The following CCDC90B variants were observed in gnomAD, a reference collection of about 807,000 sequenced individuals.
CCDC90B encodes the protein coiled-coil domain containing 90B.
In CCDC90B, 24 loss-of-function variants were observed where a neutral mutation model predicts 37.0. The observed-to-expected ratio is 0.65, with a 90% confidence interval of 0.47 to 0.91. CCDC90B has a LOEUF of 0.91. CCDC90B is among the 40% of genes least tolerant of loss of function. CCDC90B has a pLI of 0.00. For synonymous variants in CCDC90B, 113 were observed against 101.1 expected (o/e 1.12, Z -0.71); for missense variants, 319 against 299.0 (o/e 1.07, Z -0.49).
At chr11:83,283,323 G>C (rs1865501127) in intron 1 of CCDC90B, among the ~76,000 whole-genome samples, 1 of 152,210 alleles carries the variant, frequency 6.6e-6, no homozygotes, top group Non-Finnish European at 1.5e-5. Flanking sequence ...TTAAATCTGA[G>C]AGAAGTTATC....
At position 83,260,056 on chromosome 11, in the gene CCDC90B, G is replaced by C. The variant is rs910648431; in HGVS notation, c.*1855C>G. The C allele has an allele frequency of 1.3e-5, 2 of 152,242 alleles. No individual in the cohort carries two copies. Among genetic ancestry groups the C allele is most frequent in the Non-Finnish European group, 2.9e-5 (2 of 68,084 alleles). The allele number at this position is 152,242 out of a possible 1,614,324, so 9.4% of individuals were successfully genotyped here. ...TAATTGCACCTTGTTTCTCCTTCCA[G>C]ATTTACAATTGGGCAAGTCACTTTA... On this transcript the variant is annotated 3_prime_UTR_variant, in exon 9 of 9. Transcript: ENST00000529689.
At chr11:83,276,890 TTTA>T (rs2135646560) in intron 3 of CCDC90B, among the ~76,000 whole-genome samples, 1 of 152,322 alleles carries the variant, frequency 6.6e-6, no homozygotes, top group South Asian at 2.1e-4. Flanking sequence ...ACTTTATTAT[TTTA>T]TTTTTTCCCC....
At chr11:83,276,182 G>A (rs1485914298) in intron 3 of CCDC90B, among the ~76,000 whole-genome samples, 1 of 152,122 alleles carries the variant, frequency 6.6e-6, no homozygotes, top group East Asian at 1.9e-4. Context: ...TAATTCAGAA[G>A]TCACACAGAT....
chr11:83,285,700 G>A, intron 1 of CCDC90B, 173 bp downstream of exon 1: 1 of 1,432,786 alleles, frequency 7.0e-7, no homozygotes, highest in Non-Finnish European at 9.1e-7. Flanking sequence ...CTCGCCCCTT[G>A]GGGCGAGCTG....
In CCDC90B at chr11:83,265,814, GAACT is replaced by G. The variant is rs748311847; in HGVS notation, c.709+47_709+50del. The G allele has an allele frequency of 5.6e-5, 65 of 1,155,318 alleles. 1 individual carries two copies. Among genetic ancestry groups the G allele is most frequent in the African/African-American group, 3.5e-4 (23 of 65,760 alleles). 71.6% of individuals were successfully genotyped at this position (1,155,318 alleles called of 1,614,324 possible). A position where few individuals can be genotyped will look rare whatever the true frequency, so the allele number is the denominator to read the frequency against. On this transcript the variant is annotated intron_variant, in intron 8 of 8. Transcript: ENST00000529689. ...GCCTGCTCAGTTACCTTGATAGGTA[GAACT>G]AACAGGAAAATTAGATGACAGCAAT...
Position 83,283,207 on chromosome 11 carries a change from C to G in CCDC90B, c.100+2666G>C, listed in dbSNP as rs145369677. Among the ~76,000 whole-genome samples, 421 of 152,312 alleles carry G rather than the reference C, an allele frequency of 2.8e-3. 2 individuals carry two copies. Among genetic ancestry groups the G allele is most frequent in the Non-Finnish European group, 4.6e-3 (314 of 68,030 alleles). On this transcript the variant is annotated intron_variant, in intron 1 of 8. Coordinates refer to ENST00000529689, the MANE Select transcript of CCDC90B (RefSeq NM_021825.5). ...TACTTGCTGAATGAAAGGCACTGTG[C>G]TTGGCATTATGTATACACAATGATG... is the stretch of plus-strand genomic sequence containing the variant.
At chr11:83,263,905 A>C (rs1864082337) in intron 8 of CCDC90B, among the ~76,000 whole-genome samples, 1 of 152,214 alleles carries the variant, frequency 6.6e-6, no homozygotes, top group African/African-American at 2.4e-5. Flanking sequence ...CTCCATCTTC[A>C]ACCCTGCTGG....
At chr11:83,263,285 C>CT (rs1316631101) in intron 8 of CCDC90B, among the ~76,000 whole-genome samples, 1 of 152,156 alleles carries the variant, frequency 6.6e-6, no homozygotes, top group African/African-American at 2.4e-5. Flanking sequence ...GAAGTATACT[C>CT]TACTTCAGTA....
Position 83,280,227 on chromosome 11 carries a change from T to C in CCDC90B, c.134A>G (p.Asp45Gly). 6.2e-7 allele frequency: 1 copy of C among 1,613,408 alleles called. No individual in the cohort carries two copies. The highest frequency in any genetic ancestry group is 8.5e-7 in the Non-Finnish European group (1 of 1,179,636). ...FFTTTTKEGYDRRPVDITPLE... is the reference protein window; with the variant it reads ...FFTTTTKEGYGRRPVDITPLE... ...AGGAGTTATATCCACTGGCCGCCTA[T>C]CATATCCCTCCTTGGTTGTGGTAGT... Residue 45 changes from aspartate to glycine, a missense_variant, in exon 2 of 9, where the codon GAT becomes GGT. Physicochemically the swap from Asp to Gly is moderately conservative, Grantham distance 94 (BLOSUM62 -1). Coordinates refer to ENST00000529689, the MANE Select transcript of CCDC90B (RefSeq NM_021825.5).
At chr11:83,282,292 A>C (rs1393641641) in intron 1 of CCDC90B, among the ~76,000 whole-genome samples, 1 of 152,258 alleles carries the variant, frequency 6.6e-6, no homozygotes, top group Non-Finnish European at 1.5e-5. Flanking sequence ...GGAAAGGATC[A>C]AAATTCAAAG....
At chr11:83,285,364 A>C in intron 1 of CCDC90B, 1 of 1,158,320 alleles carries the variant, frequency 8.6e-7, no homozygotes, top group South Asian at 1.7e-5. Context: ...TCCAGTATTC[A>C]CTTATTTTCC....
At chr11:83,274,583 G>C in intron 4 of CCDC90B, 56 bp downstream of exon 4, 2 of 991,214 alleles carry the variant, frequency 2.0e-6, no homozygotes, top group South Asian at 1.5e-5. Flanking sequence ...TCCTTAAGTA[G>C]GATGCTTATT....
chr11:83,285,752 G>A (rs1471110612), intron 1 of CCDC90B, 121 bp downstream of exon 1: 5 of 1,469,674 alleles, frequency 3.4e-6, no homozygotes, highest in South Asian at 2.8e-5. Context: ...CCAGCACAAG[G>A]CGTGAATCCG....
chr11:83,266,146 G>A (rs1169563250), intron 7 of CCDC90B, among the ~76,000 whole-genome samples, 167 bp from the exon 8 acceptor site: 1 of 152,138 alleles, frequency 6.6e-6, no homozygotes, highest in Non-Finnish European at 1.5e-5. Context: ...GTTCCAAGAT[G>A]GCCAAAAGGG....
At chr11:83,284,887 T>C (rs956644490) in intron 1 of CCDC90B, among the ~76,000 whole-genome samples, 3 of 152,192 alleles carry the variant, frequency 2.0e-5, no homozygotes, top group Admixed American at 2.0e-4. Flanking sequence ...ACCTCCTTTT[T>C]GTAAAATCCA....
At position 83,261,861 on chromosome 11, in the gene CCDC90B, C is replaced by T. The variant is rs370520085; in HGVS notation, c.*50G>A. On this transcript the variant is annotated 3_prime_UTR_variant, in exon 9 of 9. Transcript: ENST00000529689. The stretch of plus-strand genomic sequence containing the variant: ...GACAATGTTCAAAGTAAATCTCTCC[C>T]GGTTTGGTGTTCTAAGAAGCCAACA... 23 of 1,328,844 alleles carry T rather than the reference C, an allele frequency of 1.7e-5. No homozygotes were observed. Among genetic ancestry groups the T allele is most frequent in the African/African-American group, 1.3e-4 (9 of 66,792 alleles). 82.3% of individuals were successfully genotyped at this position (1,328,844 alleles called of 1,614,324 possible).
chr11:83,285,678 C>T, intron 1 of CCDC90B, 195 bp downstream of exon 1: 1 of 1,417,736 alleles, frequency 7.1e-7, no homozygotes, highest in South Asian at 1.5e-5. Context: ...AAAGGCAGTG[C>T]TTTCCTCAGT....
chr11:83,277,559 T>C lies in CCDC90B; in HGVS notation c.324+1167A>G, dbSNP rs372635360. Among the ~76,000 whole-genome samples the C allele has an allele frequency of 3.3e-5, 5 of 152,168 alleles. 1 individual carries two copies. The East Asian group carries it at 5.8e-4, about 18-fold the overall frequency. The stretch of plus-strand genomic sequence containing the variant: ...GCGCAGTGGTGCAATGTTGGCTCAT[T>C]GCAACCTCCACCTCCCCAGTTCAAG... On this transcript the variant is annotated intron_variant, in intron 3 of 8. Transcript: ENST00000529689.
At chr11:83,274,873 G>GAAATATCTGAA in intron 3 of CCDC90B, 133 bp from the exon 4 acceptor site, 2 of 519,480 alleles carry the variant, frequency 3.9e-6, no homozygotes, top group South Asian at 5.1e-5. Context: ...AAGTAAATAT[G>GAAATATCTGAA]AAACCTACAT....
Sources: allele counts gnomAD v4.1 joint callset (sites outside exome capture counted in the v4.1 genomes callset), GRCh38; gene constraint gnomAD v4.1.1; transcripts MANE v1.5; gene names NCBI Gene and HGNC (gene_info 2026-07-23, HGNC 2026-07-21).